The following GSDME variants were observed in gnomAD, a reference collection of about 807,000 sequenced individuals.
The protein encoded by GSDME is gasdermin E, also known as gasdermin-E.
Under a neutral mutation model 47.5 loss-of-function variants are expected in GSDME, and 44 were observed. The observed-to-expected ratio is 0.93, with a 90% CI of 0.73 to 1.19. The LOEUF (loss-of-function observed/expected upper bound fraction) is 1.19. Among genes scored for constraint, GSDME ranks in the 50% most tolerant of loss-of-function variants. The pLI is 0.00. For synonymous variants in GSDME, 258 were observed against 252.8 expected (o/e 1.02, Z -0.20); for missense variants, 663 against 604.2 (o/e 1.10, Z -1.02).
chr7:24,744,666 C>T lies in GSDME; in HGVS notation c.300G>A (p.Lys100=), dbSNP rs774578684. ...GTLETALGKV[K]LNLGGSSRVE... ...CGCGGCTGCTGCCCCCCAGGTTCAG[C>T]TTGACCTTCCCCAGTGCAGTCTCCA... is the stretch of plus-strand genomic sequence containing the variant. Residue 100 remains lysine, a synonymous_variant, in exon 3 of 10, where the codon AAG becomes AAA. Coordinates refer to ENST00000645220, the MANE Select transcript of GSDME (RefSeq NM_001127453.2). The surrounding 1 kb of genome is among the most constrained non-coding windows in gnomAD (Gnocchi z 4.5). The T allele has an allele frequency of 1.2e-6, 2 of 1,614,184 alleles. No individual in the cohort carries two copies. Among genetic ancestry groups the T allele is most frequent in the Non-Finnish European group, 1.7e-6 (2 of 1,180,038 alleles).
chr7:24,749,530 A>T (rs1790786385), intron 2 of GSDME, 34 bp downstream of exon 2: 2 of 1,418,388 alleles, frequency 1.4e-6, no homozygotes, highest in African/African-American at 1.4e-5. Flanking sequence ...ATCCTTTCCG[A>T]GACTAATTAT....
intron 3 of GSDME, among the ~76,000 whole-genome samples, chr7:24,719,792 CA>C (rs531173864): frequency 7.3e-4 from 102 of 140,516 alleles, no homozygotes; most frequent in South Asian, 1.4e-3. Flanking sequence ...GACTCCATCT[CA>C]AAAAAAAAAA....
intron 1 of GSDME, 112 bp from the exon 2 acceptor site, chr7:24,749,905 C>T (rs553499460): frequency 2.9e-6 from 2 of 701,630 alleles, no homozygotes; most frequent in Non-Finnish European, 4.8e-6. Context: ...GAAAGAATAT[C>T]TTCTTCCTAG....
chr7:24,739,419 C>G lies in GSDME; in HGVS notation c.404+5143G>C, dbSNP rs1175546350. 6.6e-6 allele frequency among the ~76,000 whole-genome samples: 1 copy of G among 152,234 alleles called. No individual in the cohort carries two copies. The highest frequency in any genetic ancestry group is 2.4e-5 in the African/African-American group (1 of 41,542). ...ATCAGGGAAATGCAAATCAAAACTACAATGAGTTATCACCTCACCCTGGTT... is the reference window on the plus strand; with the variant it reads ...ATCAGGGAAATGCAAATCAAAACTAGAATGAGTTATCACCTCACCCTGGTT... On this transcript the variant is annotated intron_variant, in intron 3 of 9. Transcript: ENST00000645220. This position sits in a 1 kb window ranked among gnomAD's most constrained non-coding sequence, Gnocchi z 5.1.
chr7:24,791,234 T>C, the GSDME span, among the ~76,000 whole-genome samples: 2 of 152,342 alleles, frequency 1.3e-5, no homozygotes, highest in East Asian at 3.9e-4. This position sits in a 1 kb window ranked among gnomAD's most constrained non-coding sequence, Gnocchi z 4.8. Context: ...ATCCTTGATC[T>C]ACACCTGATC....
chr7:24,787,737 C>T, the GSDME span, among the ~76,000 whole-genome samples: 4 of 151,950 alleles, frequency 2.6e-5, no homozygotes, highest in African/African-American at 7.3e-5. The surrounding 1 kb of genome is among the most constrained non-coding windows in gnomAD (Gnocchi z 5.0). Context: ...GACAGAGTCT[C>T]GCTCTGTCGC....
chr7:24,788,269 G>C, the GSDME span, among the ~76,000 whole-genome samples: 1 of 152,206 alleles, frequency 6.6e-6, no homozygotes, highest in African/African-American at 2.4e-5. The surrounding 1 kb of genome is among the most constrained non-coding windows in gnomAD (Gnocchi z 4.6). Flanking sequence ...CAGCCACTAG[G>C]GGGCACTGCG....
chr7:24,720,804 G>C (rs1237025783), intron 3 of GSDME, among the ~76,000 whole-genome samples: 3 of 152,152 alleles, frequency 2.0e-5, no homozygotes, highest in Non-Finnish European at 4.4e-5. Flanking sequence ...CTACTCAGCA[G>C]GCTGAGGCAG....
At chr7:24,793,038 T>C in the GSDME span, among the ~76,000 whole-genome samples, 2 of 152,196 alleles carry the variant, frequency 1.3e-5, no homozygotes, top group Non-Finnish European at 2.9e-5. Context: ...TTTGCACCTA[T>C]TTTTATTAGT....
chr7:24,708,924 T>C (rs1789235661), intron 6 of GSDME, among the ~76,000 whole-genome samples: 1 of 152,200 alleles, frequency 6.6e-6, no homozygotes, highest in African/African-American at 2.4e-5. Context: ...GTTTGTTTGT[T>C]TTTAAGATAC....
intron 6 of GSDME, 43 bp downstream of exon 6, chr7:24,710,181 G>T: frequency 6.2e-7 from 1 of 1,603,896 alleles, no homozygotes; most frequent in Non-Finnish European, 8.5e-7. Context: ...ACAGGGCTCA[G>T]TTGGCCCTCA....
intron 5 of GSDME, among the ~76,000 whole-genome samples, chr7:24,713,110 A>G (rs1039044322): frequency 2.0e-5 from 3 of 152,150 alleles, no homozygotes; most frequent in Non-Finnish European, 2.9e-5. Flanking sequence ...CATGTGAAAA[A>G]ATAGTTAAAT....
At chr7:24,788,096 G>C in the GSDME span, among the ~76,000 whole-genome samples, 1 of 152,284 alleles carries the variant, frequency 6.6e-6, no homozygotes, top group South Asian at 2.1e-4. This position sits in a 1 kb window ranked among gnomAD's most constrained non-coding sequence, Gnocchi z 4.6. Flanking sequence ...CCTCTCCAAG[G>C]CTCTTATGCG....
intron 3 of GSDME, among the ~76,000 whole-genome samples, chr7:24,741,066 C>T (rs1790474285): frequency 6.6e-6 from 1 of 152,152 alleles, no homozygotes; most frequent in African/African-American, 2.4e-5. Flanking sequence ...CAGAGATCAT[C>T]TAGTCCAACT....
In GSDME at chr7:24,716,084, G is replaced by A. The variant is rs945244387; in HGVS notation, c.697+1170C>T. Among the ~76,000 whole-genome samples the A allele has an allele frequency of 2.0e-5, 3 of 152,192 alleles. No homozygotes were observed. The highest frequency in any genetic ancestry group is 4.4e-5 in the Non-Finnish European group (3 of 68,034). Reference sequence around the variant, plus strand: ...TTAGCGAGGGCAGGAGCTGTCTCACGGGAGACTGCCCCCCACCCGCCTTCC... The same window carrying A: ...TTAGCGAGGGCAGGAGCTGTCTCACAGGAGACTGCCCCCCACCCGCCTTCC... On this transcript the variant is annotated intron_variant, in intron 5 of 9. Transcript: ENST00000645220. The surrounding 1 kb of genome is among the most constrained non-coding windows in gnomAD (Gnocchi z 4.5).
chr7:24,767,252 A>G, the GSDME span, among the ~76,000 whole-genome samples: 1 of 152,196 alleles, frequency 6.6e-6, no homozygotes, highest in Non-Finnish European at 1.5e-5. The surrounding 1 kb of genome is among the most constrained non-coding windows in gnomAD (Gnocchi z 5.3). Flanking sequence ...TGAACCTGGG[A>G]GGCAGAGGTT....
In GSDME at chr7:24,698,461, A is replaced by T. The variant is rs1200314790; in HGVS notation, c.*565T>A. The T allele has an allele frequency of 5.7e-6, 1 of 174,010 alleles. No individual in the cohort carries two copies. Among genetic ancestry groups the T allele is most frequent in the Non-Finnish European group, 1.2e-5 (1 of 81,398 alleles). 10.8% of individuals were successfully genotyped at this position (174,010 alleles called of 1,614,324 possible). A position where few individuals can be genotyped will look rare whatever the true frequency, so the allele number is the denominator to read the frequency against. ...CTGAAGCATGGCAAGGTCACATAAA[A>T]TGCATATAGCTAGGGTCCCAAGCAG... is the stretch of plus-strand genomic sequence containing the variant. On this transcript the variant is annotated 3_prime_UTR_variant, in exon 10 of 10. Coordinates refer to ENST00000645220, the MANE Select transcript of GSDME (RefSeq NM_001127453.2).
In GSDME at chr7:24,739,880, G is replaced by A. The variant is rs942585564; in HGVS notation, c.404+4682C>T. On this transcript the variant is annotated intron_variant, in intron 3 of 9. Coordinates refer to ENST00000645220, the MANE Select transcript of GSDME (RefSeq NM_001127453.2). The surrounding 1 kb of genome is among the most constrained non-coding windows in gnomAD (Gnocchi z 5.1). ...GAGGCTAAGGCAGGCGGATCACGAGGTCAGGAGTTCAAGACCAGCCTGGCC... is the reference window on the plus strand; with the variant it reads ...GAGGCTAAGGCAGGCGGATCACGAGATCAGGAGTTCAAGACCAGCCTGGCC... Among the ~76,000 whole-genome samples the A allele has an allele frequency of 1.3e-5, 2 of 152,042 alleles. No individual in the cohort carries two copies. Among genetic ancestry groups the A allele is most frequent in the African/African-American group, 4.8e-5 (2 of 41,404 alleles).
intron 1 of GSDME, among the ~76,000 whole-genome samples, chr7:24,751,441 C>T (rs1274721645): frequency 2.0e-5 from 3 of 152,212 alleles, no homozygotes; most frequent in Non-Finnish European, 4.4e-5. Context: ...TAAGCTCAGA[C>T]TTTAGCTCAA....
Sources: gnomAD v4.1 joint callset for allele counts (sites outside exome capture counted in the v4.1 genomes callset) on GRCh38, gnomAD v4.1.1 for gene constraint, Gnocchi (gnomAD v3.1) non-coding constraint, MANE v1.5 for transcripts, NCBI Gene and HGNC (gene_info 2026-07-23, HGNC 2026-07-21) for gene names.